The following INPP5A variants were observed in gnomAD, a reference collection of about 807,000 sequenced individuals.
The protein encoded by INPP5A is 43 kDa inositol polyphosphate 5-phophatase.
In INPP5A, 14 loss-of-function variants were observed where a neutral mutation model predicts 65.2. That is an observed-to-expected ratio of 0.21 (90% CI 0.14 to 0.34). The LOEUF (loss-of-function observed/expected upper bound fraction) is 0.34. Among genes scored for constraint, INPP5A ranks in the 10% least tolerant of loss-of-function variants. The probability of loss-of-function intolerance (pLI) is 1.00; values close to 1 mark genes in which losing one functional copy is unlikely to be tolerated. For missense variants in INPP5A, 431 were observed against 545.6 expected (o/e 0.79, Z 2.09); for synonymous variants, 207 against 208.3 (o/e 0.99, Z 0.05).
chr10:132,688,365 CAGGG>C (rs1415062638), intron 4 of INPP5A, among the ~76,000 whole-genome samples: 14 of 152,212 alleles, frequency 9.2e-5, no homozygotes, highest in Admixed American at 2.0e-4. Context: ...GACCGGTCGT[CAGGG>C]AGGGAGCAGC....
Position 132,704,092 on chromosome 10 carries a change from T to A in INPP5A, c.475-4221T>A, listed in dbSNP as rs1186973980. Among the ~76,000 whole-genome samples, 4 of 151,662 alleles carry A rather than the reference T, an allele frequency of 2.6e-5. No homozygotes were observed. Among genetic ancestry groups the A allele is most frequent in the African/African-American group, 9.7e-5 (4 of 41,224 alleles). On this transcript the variant is annotated intron_variant, in intron 6 of 15. Coordinates refer to ENST00000368594, the MANE Select transcript of INPP5A (RefSeq NM_005539.5). This position sits in a 1 kb window ranked among gnomAD's most constrained non-coding sequence, Gnocchi z 4.5. ...TCTGAAGGCTTGGCCTGATCTCTGC[T>A]GCAGCATCTGGTTCCCAAAGCATGT...
At chr10:132,579,672 C>G (rs1163296947) in intron 1 of INPP5A, among the ~76,000 whole-genome samples, 4 of 152,134 alleles carry the variant, frequency 2.6e-5, no homozygotes, top group African/African-American at 9.7e-5. Context: ...TGTCCCTTTG[C>G]TGTAGGTGGG....
rs1235912736 is a variant in INPP5A at position 132,617,554 on chromosome 10, C to G, written c.117+9598C>G. The stretch of plus-strand genomic sequence containing the variant: ...CTGTTACCTGCTCGTGTGGCCAGTG[C>G]AGATCTTGAATCCTCAGACTGCAGG... On this transcript the variant is annotated intron_variant, in intron 2 of 15. Coordinates refer to ENST00000368594, the MANE Select transcript of INPP5A (RefSeq NM_005539.5). Among the ~76,000 whole-genome samples, 6 of 152,298 alleles carry G rather than the reference C, an allele frequency of 3.9e-5. No homozygotes were observed. In the East Asian group the frequency reaches 5.8e-4, roughly 15 times the overall value.
At position 132,663,772 on chromosome 10, in the gene INPP5A, C is replaced by T. The variant is rs571453409; in HGVS notation, c.306+13267C>T. ...GTCCCTGGTGCTCTGTGAGCAGATTCGCCCCTAGGGGTGAAGTCATCTCGC... is the reference window on the plus strand; with the variant it reads ...GTCCCTGGTGCTCTGTGAGCAGATTTGCCCCTAGGGGTGAAGTCATCTCGC... On this transcript the variant is annotated intron_variant, in intron 4 of 15. Transcript: ENST00000368594. The surrounding 1 kb of genome is among the most constrained non-coding windows in gnomAD (Gnocchi z 4.5). 2.0e-5 allele frequency among the ~76,000 whole-genome samples: 3 copies of T among 152,126 alleles called. No homozygotes were observed. The highest frequency in any genetic ancestry group is 4.8e-5 in the African/African-American group (2 of 41,426).
chr10:132,711,869 G>C (rs1380587222), intron 8 of INPP5A, among the ~76,000 whole-genome samples: 1 of 152,250 alleles, frequency 6.6e-6, no homozygotes, highest in African/African-American at 2.4e-5. Context: ...CCCAGAGAGG[G>C]AGGAGGCTGG....
chr10:132,648,140 C>T (rs780851331), intron 3 of INPP5A, among the ~76,000 whole-genome samples: 1 of 152,250 alleles, frequency 6.6e-6, no homozygotes, highest in Non-Finnish European at 1.5e-5. Context: ...CTCAGTAAGT[C>T]GGTAAGAGAA....
At position 132,650,575 on chromosome 10, in the gene INPP5A, G is replaced by T. The variant is rs1258860463; in HGVS notation, c.306+70G>T. 6 of 1,121,762 alleles carry T rather than the reference G, an allele frequency of 5.3e-6. No individual in the cohort carries two copies. Among genetic ancestry groups the T allele is most frequent in the Non-Finnish European group, 8.1e-6 (6 of 740,854 alleles). The allele number at this position is 1,121,762 out of a possible 1,614,324, so 69.5% of individuals were successfully genotyped here. Reference sequence around the variant, plus strand: ...CTTGGCAGAAGCCAGCCCTTCTCCTGTGTAAATGGAGAGAGGTCGGGGTGC... The same window carrying T: ...CTTGGCAGAAGCCAGCCCTTCTCCTTTGTAAATGGAGAGAGGTCGGGGTGC... On this transcript the variant is annotated intron_variant, in intron 4 of 15. Transcript: ENST00000368594. The surrounding 1 kb of genome is among the most constrained non-coding windows in gnomAD (Gnocchi z 5.5).
intron 1 of INPP5A, among the ~76,000 whole-genome samples, chr10:132,578,004 G>A (rs2071430275): frequency 6.6e-6 from 1 of 152,222 alleles, no homozygotes; most frequent in Admixed American, 6.5e-5. Flanking sequence ...TTGTAGGCAT[G>A]TTTGCTAAAT....
rs965971581 is a variant in INPP5A, at chr10:132,551,159, C to G, written c.75+12988C>G. Among the ~76,000 whole-genome samples, 1 of 152,212 alleles carries G rather than the reference C, an allele frequency of 6.6e-6. No homozygotes were observed. The highest frequency in any genetic ancestry group is 2.1e-4 in the South Asian group (1 of 4,836). The stretch of plus-strand genomic sequence containing the variant: ...GTGGAGCCTTATCCCTGAGCACCCT[C>G]CCTTGCCTACCTTTCAGGCTTCTGA... On this transcript the variant is annotated intron_variant, in intron 1 of 15. Coordinates refer to ENST00000368594, the MANE Select transcript of INPP5A (RefSeq NM_005539.5). The surrounding 1 kb of genome is among the most constrained non-coding windows in gnomAD (Gnocchi z 5.3).
chr10:132,708,358 G>T lies in INPP5A; in HGVS notation c.520G>T (p.Ala174Ser). The T allele has an allele frequency of 1.2e-6, 2 of 1,613,986 alleles. No homozygotes were observed. The highest frequency in any genetic ancestry group is 8.5e-7 in the Non-Finnish European group (1 of 1,179,828). ...CTTCATCCGGACGAGGTGGTGCATT[G>T]CAGACTGGTACGTGGTGTCTGTGCT... ...KGFIRTRWCI[A>S]DCAFDLVNIH... The change falls in exon 7 of 16, where the codon GCA becomes TCA. Residue 174 changes from alanine to serine, a missense_variant. By Grantham distance (99) the Ala-to-Ser change is moderately conservative (BLOSUM62 1). Coordinates refer to ENST00000368594, the MANE Select transcript of INPP5A (RefSeq NM_005539.5).
intron 1 of INPP5A, among the ~76,000 whole-genome samples, chr10:132,591,807 C>T (rs773168448): frequency 2.6e-5 from 4 of 152,206 alleles, no homozygotes; most frequent in Non-Finnish European, 5.9e-5. Flanking sequence ...TGCGCCTCTG[C>T]ATGTGTTCCC....
intron 2 of INPP5A, among the ~76,000 whole-genome samples, chr10:132,645,314 C>T (rs908547841): frequency 1.2e-4 from 18 of 152,198 alleles, no homozygotes; most frequent in African/African-American, 3.9e-4. Context: ...TGCTGTGTGT[C>T]GGCGTCCTCC....
At chr10:132,747,211 A>C (rs1402609626) in intron 9 of INPP5A, among the ~76,000 whole-genome samples, 1 of 152,086 alleles carries the variant, frequency 6.6e-6, no homozygotes, top group Non-Finnish European at 1.5e-5. Flanking sequence ...ATGGGGCCGG[A>C]CCTCCTTGGG....
At chr10:132,681,987 C>CA (rs2073052852) in intron 4 of INPP5A, among the ~76,000 whole-genome samples, 1 of 152,180 alleles carries the variant, frequency 6.6e-6, no homozygotes, top group African/African-American at 2.4e-5. Flanking sequence ...TCGGATTAGT[C>CA]AAAGTCATGG....
chr10:132,740,838 G>A (rs1385047690), intron 9 of INPP5A, among the ~76,000 whole-genome samples: 1 of 152,134 alleles, frequency 6.6e-6, no homozygotes, highest in South Asian at 2.1e-4. Context: ...GGTCCACATC[G>A]TTCACCCCCA....
At position 132,782,001 on chromosome 10, in the gene INPP5A, G is replaced by A. The variant is rs747859835; in HGVS notation, c.*8-36G>A. The A allele has an allele frequency of 3.0e-5, 48 of 1,611,718 alleles. No individual in the cohort carries two copies. Among genetic ancestry groups the A allele is most frequent in the East Asian group, 1.3e-4 (6 of 44,868 alleles). The stretch of plus-strand genomic sequence containing the variant: ...GCTTTTACGCAGCTTTTCCTGGTGC[G>A]TTTGTTCCTTTAACAAATTACGAAT... On this transcript the variant is annotated intron_variant, in intron 15 of 15. Transcript: ENST00000368594. This position sits in a 1 kb window ranked among gnomAD's most constrained non-coding sequence, Gnocchi z 4.4.
At chr10:132,723,027 G>C (rs1017042225) in intron 8 of INPP5A, among the ~76,000 whole-genome samples, 3 of 152,186 alleles carry the variant, frequency 2.0e-5, no homozygotes, top group African/African-American at 7.2e-5. Context: ...TGCGGCCGCC[G>C]TGCACCCTTT....
rs2072575884 is a variant in INPP5A, at chr10:132,651,475, C to T, written c.306+970C>T. Among the ~76,000 whole-genome samples, 1 of 147,020 alleles carries T rather than the reference C, an allele frequency of 6.8e-6. No homozygotes were observed. ...TGGGTCCCCCGGCTTGGGTCCATCT[C>T]CCCCATCTCTGGGGAGGCCCTGGGT... is the stretch of plus-strand genomic sequence containing the variant. On this transcript the variant is annotated intron_variant, in intron 4 of 15. Transcript: ENST00000368594. The surrounding 1 kb of genome is among the most constrained non-coding windows in gnomAD (Gnocchi z 5.0).
chr10:132,647,026 G>T (rs1240113208), intron 3 of INPP5A, among the ~76,000 whole-genome samples: 1 of 152,110 alleles, frequency 6.6e-6, no homozygotes, highest in African/African-American at 2.4e-5. Context: ...CCAGCGCAGG[G>T]TCCTCGAGCA....
Sources: gnomAD v4.1 joint callset for allele counts (sites outside exome capture counted in the v4.1 genomes callset) on GRCh38, gnomAD v4.1.1 for gene constraint, Gnocchi (gnomAD v3.1) non-coding constraint, MANE v1.5 for transcripts, NCBI Gene and HGNC (gene_info 2026-07-23, HGNC 2026-07-21) for gene names.